MBD5: variants seen among roughly 807,000 people sequenced by gnomAD.
The protein encoded by MBD5 is methyl-CpG binding domain protein 5, also known as methyl-CpG-binding domain protein 5.
In MBD5, 13 loss-of-function variants were observed where a neutral mutation model predicts 117.3. The ratio of observed to expected loss-of-function variants is 0.11; its 90% CI spans 0.07 to 0.18. The LOEUF (loss-of-function observed/expected upper bound fraction) is 0.18, where lower values mean the gene tolerates loss of function less well. MBD5 is among the 10% of genes least tolerant of loss of function. The pLI, the probability that MBD5 is intolerant of heterozygous loss-of-function variation, is 1.00. For synonymous variants in MBD5, 727 were observed against 766.4 expected (o/e 0.95, Z 0.85); for missense variants, 1,879 against 2,093.8 (o/e 0.90, Z 2.00).
At chr2:148,270,794 G>A (rs1299515320) in intron 3 of MBD5, among the ~76,000 whole-genome samples, 1 of 151,880 alleles carries the variant, frequency 6.6e-6, no homozygotes. Flanking sequence ...ACCTTTCTTG[G>A]ATTCCTACAG....
chr2:148,316,367 G>A (rs377094486), intron 3 of MBD5, among the ~76,000 whole-genome samples: 1 of 152,226 alleles, frequency 6.6e-6, no homozygotes, highest in East Asian at 1.9e-4. Context: ...ATGTTTTAAG[G>A]AAGAGTTTGT....
chr2:148,100,437 A>T (rs972633897), intron 1 of MBD5, among the ~76,000 whole-genome samples: 1 of 152,130 alleles, frequency 6.6e-6, no homozygotes, highest in African/African-American at 2.4e-5. Flanking sequence ...ATTACCCCAA[A>T]TTAGTGGAAT....
At chr2:148,363,803 A>G (rs1703614834) in intron 4 of MBD5, among the ~76,000 whole-genome samples, 2 of 152,220 alleles carry the variant, frequency 1.3e-5, no homozygotes, top group Non-Finnish European at 2.9e-5. Context: ...AGAAAAAAGA[A>G]TGAAAAGGAA....
chr2:148,073,552 A>T (rs568126209), intron 1 of MBD5, among the ~76,000 whole-genome samples: 18 of 152,264 alleles, frequency 1.2e-4, no homozygotes, highest in African/African-American at 4.1e-4. Context: ...ACATTCTTAT[A>T]ATGGCATACT....
intron 2 of MBD5, among the ~76,000 whole-genome samples, chr2:148,229,048 T>A (rs1183561726): frequency 6.6e-6 from 1 of 152,168 alleles, no homozygotes; most frequent in East Asian, 1.9e-4. Context: ...TGTTGATCTT[T>A]TCAAAAAACC....
intron 2 of MBD5, among the ~76,000 whole-genome samples, chr2:148,219,055 A>G (rs1011070829): frequency 4.6e-5 from 7 of 152,218 alleles, no homozygotes; most frequent in Non-Finnish European, 7.3e-5. Context: ...TGCTTTTATA[A>G]TAACACTTGG....
intron 1 of MBD5, among the ~76,000 whole-genome samples, chr2:148,115,385 G>A (rs956518837): frequency 6.6e-6 from 1 of 152,110 alleles, no homozygotes; most frequent in Non-Finnish European, 1.5e-5. Flanking sequence ...ATTTCGACAA[G>A]CTAATTAACC....
chr2:148,043,656 A>T (rs1694439276), intron 1 of MBD5, among the ~76,000 whole-genome samples: 1 of 152,104 alleles, frequency 6.6e-6, no homozygotes, highest in African/African-American at 2.4e-5. Flanking sequence ...CTGTTCAGTG[A>T]TACTTGACTC....
chr2:148,505,958 G>C (rs1362312625), intron 12 of MBD5, among the ~76,000 whole-genome samples: 1 of 152,148 alleles, frequency 6.6e-6, no homozygotes, highest in Non-Finnish European at 1.5e-5. Flanking sequence ...TTATAACATA[G>C]ATAATATAGA....
At chr2:148,381,341 T>A (rs572199126) in intron 4 of MBD5, among the ~76,000 whole-genome samples, 64 of 152,080 alleles carry the variant, frequency 4.2e-4, no homozygotes, top group Non-Finnish European at 7.6e-4. Context: ...CAGTAACCAA[T>A]GTGATCAACT....
At chr2:148,063,977 A>C (rs1052958301) in intron 1 of MBD5, among the ~76,000 whole-genome samples, 1 of 151,998 alleles carries the variant, frequency 6.6e-6, no homozygotes, top group Non-Finnish European at 1.5e-5. Flanking sequence ...TTGAAGATTG[A>C]TAATATGTCT....
At chr2:148,465,328 TTAA>T (rs1707227812) in intron 7 of MBD5, among the ~76,000 whole-genome samples, 1 of 152,186 alleles carries the variant, frequency 6.6e-6, no homozygotes, top group African/African-American at 2.4e-5. Context: ...CCCTTTATGA[TTAA>T]TGTGTACTCT....
At chr2:148,022,450 A>G (rs1271511304) in intron 1 of MBD5, among the ~76,000 whole-genome samples, 1 of 152,158 alleles carries the variant, frequency 6.6e-6, no homozygotes, top group Admixed American at 6.5e-5. Context: ...TACGTTCCTG[A>G]TACTTATTTT....
intron 1 of MBD5, among the ~76,000 whole-genome samples, chr2:148,145,170 T>C (rs1697421575): frequency 6.6e-6 from 1 of 152,182 alleles, no homozygotes; most frequent in Admixed American, 6.5e-5. Context: ...TCACATCCCT[T>C]GTAGGTTGGA....
chr2:148,241,535 C>T (rs1358963132), intron 3 of MBD5, among the ~76,000 whole-genome samples: 2 of 152,078 alleles, frequency 1.3e-5, no homozygotes, highest in Non-Finnish European at 2.9e-5. Context: ...GTTTAGGTGC[C>T]AGCCTAGGTC....
At chr2:148,169,470 T>A (rs1394622597) in intron 1 of MBD5, among the ~76,000 whole-genome samples, 1 of 152,176 alleles carries the variant, frequency 6.6e-6, no homozygotes, top group Non-Finnish European at 1.5e-5. Flanking sequence ...CAGAAAAATC[T>A]CTCAAGGTGT....
intron 3 of MBD5, among the ~76,000 whole-genome samples, chr2:148,314,376 GTT>G (rs67471940): frequency 4.2e-4 from 45 of 106,576 alleles, no homozygotes; most frequent in South Asian, 3.5e-4. Context: ...CAGTGTTATG[GTT>G]TTTTTTTTTT....
Position 148,387,985 on chromosome 2 carries a change from A to C in MBD5, c.-557+45649A>C, listed in dbSNP as rs181358626. On this transcript the variant is annotated intron_variant, in intron 4 of 13. Coordinates refer to ENST00000642680, the MANE Select transcript of MBD5 (RefSeq NM_001378120.1). The stretch of plus-strand genomic sequence containing the variant: ...CCTAACAGGGTTTTTGGGGAATCTA[A>C]ACTTCATATGAAAAAGCAAAGAGCA... Among the ~76,000 whole-genome samples the C allele has an allele frequency of 8.1e-4, 124 of 152,302 alleles. 1 individual carries two copies. Among genetic ancestry groups the C allele is most frequent in the African/African-American group, 2.7e-3 (114 of 41,582 alleles).
rs1693735487 is a variant in MBD5 at position 148,021,594 on chromosome 2, G to T, written c.-1015G>T. The T allele has an allele frequency of 4.1e-6, 2 of 483,732 alleles. No homozygotes were observed. The highest frequency in any genetic ancestry group is 2.3e-5 in the Admixed American group (1 of 42,786). 30.0% of individuals were successfully genotyped at this position (483,732 alleles called of 1,614,324 possible). On this transcript the variant is annotated 5_prime_UTR_variant, in exon 1 of 14. Coordinates refer to ENST00000642680, the MANE Select transcript of MBD5 (RefSeq NM_001378120.1). ...TCCCCAGCTCTCCTCCTCCTCCTTCGCCTCCTCCTCCTCCACTCCCCCCCT... is the reference window on the plus strand; with the variant it reads ...TCCCCAGCTCTCCTCCTCCTCCTTCTCCTCCTCCTCCTCCACTCCCCCCCT...
Sources: allele counts gnomAD v4.1 joint callset (sites outside exome capture counted in the v4.1 genomes callset), GRCh38; gene constraint gnomAD v4.1.1; transcripts MANE v1.5; gene names NCBI Gene and HGNC (gene_info 2026-07-23, HGNC 2026-07-21).